The following AFG2A variants were observed in gnomAD, a reference collection of about 807,000 sequenced individuals.
AFG2A encodes ATPase family gene 2 protein homolog A.
At chr4:122,992,976 A>G in the AFG2A span, among the ~76,000 whole-genome samples, 116,208 of 141,840 alleles carry the variant, frequency 0.82, 48,688 homozygotes, top group East Asian at 0.95. Flanking sequence ...GTGTGTGTGT[A>G]TGTGTGTGTG....
the AFG2A span, among the ~76,000 whole-genome samples, chr4:123,213,554 C>G: frequency 0.52 from 79,641 of 152,060 alleles, 25,203 homozygotes; most frequent in Non-Finnish European, 0.68. Context: ...TTAGCTGCTA[C>G]TAAAAATGAA....
At chr4:123,236,211 A>G in the AFG2A span, among the ~76,000 whole-genome samples, 4 of 152,206 alleles carry the variant, frequency 2.6e-5, no homozygotes, top group Non-Finnish European at 5.9e-5. Context: ...CCCTAAACGC[A>G]TTCAAGAACC....
chr4:123,038,009 C>G, the AFG2A span, among the ~76,000 whole-genome samples: 1 of 152,030 alleles, frequency 6.6e-6, no homozygotes, highest in Non-Finnish European at 1.5e-5. Context: ...GTAGGTTAGA[C>G]TAAGTGACTC....
At chr4:123,019,719 T>G in the AFG2A span, among the ~76,000 whole-genome samples, 1 of 152,230 alleles carries the variant, frequency 6.6e-6, no homozygotes, top group African/African-American at 2.4e-5. Flanking sequence ...ATTTAGAGAC[T>G]CTCTTTTAGG....
chr4:123,101,846 T>TACAG, the AFG2A span, among the ~76,000 whole-genome samples: 2 of 151,890 alleles, frequency 1.3e-5, no homozygotes, highest in African/African-American at 4.8e-5. Flanking sequence ...GAGTGCCTTA[T>TACAG]ACAGAGTGTG....
At chr4:123,227,252 GC>G in the AFG2A span, among the ~76,000 whole-genome samples, 2,140 of 152,172 alleles carry the variant, frequency 0.014, 61 homozygotes, top group African/African-American at 0.048. Context: ...CCTTCTGCTA[GC>G]TTTTGAATGT....
the AFG2A span, among the ~76,000 whole-genome samples, chr4:123,055,706 G>T: frequency 2.9e-3 from 445 of 152,236 alleles, 2 homozygotes; most frequent in African/African-American, 9.8e-3. Context: ...ATGCATGCTC[G>T]TGCGCACACA....
the AFG2A span, among the ~76,000 whole-genome samples, chr4:123,072,542 G>GC: frequency 6.6e-6 from 1 of 152,084 alleles, no homozygotes; most frequent in African/African-American, 2.4e-5. Context: ...TTTTAAAACA[G>GC]CCCAAAAAAG....
At chr4:123,280,254 G>A in the AFG2A span, among the ~76,000 whole-genome samples, 1 of 152,158 alleles carries the variant, frequency 6.6e-6, no homozygotes, top group Non-Finnish European at 1.5e-5. Flanking sequence ...GCATTATGAA[G>A]ATTGGAAATA....
the AFG2A span, among the ~76,000 whole-genome samples, chr4:123,221,839 A>C: frequency 2.6e-5 from 4 of 152,110 alleles, no homozygotes; most frequent in Non-Finnish European, 5.9e-5. Context: ...AGGCAGGAGA[A>C]TCATTTGAAC....
At chr4:123,240,380 G>A in the AFG2A span, among the ~76,000 whole-genome samples, 1 of 152,128 alleles carries the variant, frequency 6.6e-6, no homozygotes, top group African/African-American at 2.4e-5. Flanking sequence ...ATAATTGGAA[G>A]TAAAGCACTC....
At chr4:123,169,728 G>A in the AFG2A span, among the ~76,000 whole-genome samples, 2 of 152,090 alleles carry the variant, frequency 1.3e-5, no homozygotes, top group Non-Finnish European at 2.9e-5. Flanking sequence ...TGATCCGTCC[G>A]CCTCTGCCTC....
the AFG2A span, chr4:123,313,808 A>G: frequency 4.6e-6 from 6 of 1,303,210 alleles, no homozygotes; most frequent in Non-Finnish European, 6.2e-6. Context: ...ACCACAGATG[A>G]ATATTTGGAA....
chr4:123,225,200 A>T, the AFG2A span, among the ~76,000 whole-genome samples: 1 of 152,104 alleles, frequency 6.6e-6, no homozygotes, highest in African/African-American at 2.4e-5. Flanking sequence ...TGCTGTGCAG[A>T]AGTTCTTTAG....
the AFG2A span, among the ~76,000 whole-genome samples, chr4:123,247,224 C>T: frequency 4.6e-4 from 69 of 149,746 alleles, no homozygotes; most frequent in South Asian, 7.2e-3. Flanking sequence ...TACTTGCGTG[C>T]GTGTGTGTGT....
the AFG2A span, among the ~76,000 whole-genome samples, chr4:123,184,279 C>T: frequency 6.6e-6 from 1 of 152,092 alleles, no homozygotes. Context: ...AGTATCTATA[C>T]ACACTACTAT....
chr4:123,033,541 T>C, the AFG2A span, among the ~76,000 whole-genome samples: 4 of 152,272 alleles, frequency 2.6e-5, no homozygotes, highest in East Asian at 7.7e-4. Context: ...GGCTTTGGTC[T>C]AGGAGTAAAA....
At chr4:122,975,920 G>T in the AFG2A span, among the ~76,000 whole-genome samples, 2 of 152,222 alleles carry the variant, frequency 1.3e-5, no homozygotes, top group South Asian at 2.1e-4. Context: ...GGAAGCAGGG[G>T]ATCTATTTTT....
At chr4:123,000,438 G>C in the AFG2A span, among the ~76,000 whole-genome samples, 1 of 151,734 alleles carries the variant, frequency 6.6e-6, no homozygotes, top group East Asian at 1.9e-4. Flanking sequence ...ACTGGCTGTG[G>C]GTTTGTCATA....
Sources: gnomAD v4.1 joint callset for allele counts (sites outside exome capture counted in the v4.1 genomes callset) on GRCh38, gnomAD v4.1.1 for gene constraint, MANE v1.5 for transcripts, NCBI Gene and HGNC (gene_info 2026-07-23, HGNC 2026-07-21) for gene names.